The following PTPRM variants were observed in gnomAD, a reference collection of about 807,000 sequenced individuals.
PTPRM encodes the protein receptor-type tyrosine-protein phosphatase mu.
A neutral mutation model predicts 186.7 loss-of-function variants in PTPRM; 47 were observed. The observed-to-expected ratio is 0.25, with a 90% CI of 0.20 to 0.32. PTPRM has a LOEUF of 0.32. Ranked by LOEUF, PTPRM falls within the 10% of genes least tolerant of loss-of-function variation. PTPRM has a pLI of 1.00. For synonymous variants in PTPRM, 668 were observed against 674.9 expected (o/e 0.99, Z 0.16); for missense variants, 1,494 against 1,865.0 (o/e 0.80, Z 3.66).
chr18:8,075,359 G>T (rs558287583), intron 8 of PTPRM, among the ~76,000 whole-genome samples: 2 of 152,048 alleles, frequency 1.3e-5, no homozygotes, highest in Admixed American at 1.3e-4. Flanking sequence ...AGTCAGTTTT[G>T]AAATCAGGAT....
At chr18:7,898,859 A>G (rs549057522) in intron 3 of PTPRM, among the ~76,000 whole-genome samples, 1 of 152,246 alleles carries the variant, frequency 6.6e-6, no homozygotes, top group African/African-American at 2.4e-5. Flanking sequence ...GTAAAATTAC[A>G]GAGAACACTG....
intron 14 of PTPRM, among the ~76,000 whole-genome samples, chr18:8,177,566 A>G (rs1464066996): frequency 6.6e-6 from 1 of 152,220 alleles, no homozygotes; most frequent in Non-Finnish European, 1.5e-5. Context: ...ACTTGTTACA[A>G]AAGTATACTC....
intron 11 of PTPRM, among the ~76,000 whole-genome samples, chr18:8,098,283 A>G (rs615129): frequency 0.5 from 75,765 of 152,052 alleles, 20,567 homozygotes; most frequent in Non-Finnish European, 0.62. Context: ...ATAAAAATAT[A>G]ATCAGAAATG....
At chr18:7,931,626 G>C (rs941590847) in intron 5 of PTPRM, among the ~76,000 whole-genome samples, 1 of 152,146 alleles carries the variant, frequency 6.6e-6, no homozygotes, top group Non-Finnish European at 1.5e-5. Flanking sequence ...ACTTGAACCC[G>C]GAAGGCGGAG....
chr18:7,863,379 G>A (rs1219966678), intron 2 of PTPRM, among the ~76,000 whole-genome samples: 1 of 151,900 alleles, frequency 6.6e-6, no homozygotes, highest in Non-Finnish European at 1.5e-5. Flanking sequence ...GCCCTGGAGT[G>A]TGATGTTCCC....
At chr18:8,268,168 G>A (rs1486579337) in intron 19 of PTPRM, among the ~76,000 whole-genome samples, 1 of 152,100 alleles carries the variant, frequency 6.6e-6, no homozygotes, top group Non-Finnish European at 1.5e-5. Flanking sequence ...ATAAATCTTG[G>A]GAGAATTGTC....
At chr18:8,265,604 G>T (rs1200667593) in intron 19 of PTPRM, among the ~76,000 whole-genome samples, 1 of 152,208 alleles carries the variant, frequency 6.6e-6, no homozygotes, top group Non-Finnish European at 1.5e-5. Context: ...TCATGGCAGA[G>T]CCAAGAAAAC....
intron 6 of PTPRM, among the ~76,000 whole-genome samples, chr18:7,954,110 C>A (rs2053158881): frequency 6.6e-6 from 1 of 152,140 alleles, no homozygotes; most frequent in Admixed American, 6.5e-5. Context: ...ATGTGGAATA[C>A]CTTCATTTGG....
intron 7 of PTPRM, among the ~76,000 whole-genome samples, chr18:8,049,015 C>T (rs2087273993): frequency 6.6e-6 from 1 of 152,144 alleles, no homozygotes; most frequent in Non-Finnish European, 1.5e-5. Context: ...AAGGTCAAAA[C>T]CCATTCCAAA....
intron 2 of PTPRM, among the ~76,000 whole-genome samples, chr18:7,791,200 G>A (rs903664647): frequency 1.3e-5 from 2 of 152,054 alleles, no homozygotes; most frequent in African/African-American, 4.8e-5. Context: ...TCTGAGAATA[G>A]GACACATCTG....
chr18:8,246,743 A>G (rs545368729), intron 15 of PTPRM, among the ~76,000 whole-genome samples: 1 of 152,340 alleles, frequency 6.6e-6, no homozygotes, highest in South Asian at 2.1e-4. Context: ...ATACCTGTAA[A>G]TGACAGGCAG....
At chr18:7,973,281 T>G (rs960878947) in intron 7 of PTPRM, among the ~76,000 whole-genome samples, 4 of 152,178 alleles carry the variant, frequency 2.6e-5, no homozygotes, top group Admixed American at 6.5e-5. Context: ...CAAAGATATA[T>G]GCATTTAAGA....
At chr18:8,143,300 A>G (rs982283794) in intron 13 of PTPRM, among the ~76,000 whole-genome samples, 7 of 152,166 alleles carry the variant, frequency 4.6e-5, no homozygotes, top group African/African-American at 1.7e-4. Context: ...AGGGATAGCT[A>G]TTGTGCTGTT....
At chr18:7,613,386 A>G (rs1033105345) in intron 1 of PTPRM, among the ~76,000 whole-genome samples, 10 of 152,186 alleles carry the variant, frequency 6.6e-5, no homozygotes, top group Admixed American at 2.0e-4. Context: ...AATAAATTGA[A>G]AATACCGGCC....
At chr18:7,837,053 T>C (rs1443046047) in intron 2 of PTPRM, among the ~76,000 whole-genome samples, 4 of 152,210 alleles carry the variant, frequency 2.6e-5, no homozygotes, top group Non-Finnish European at 5.9e-5. Context: ...TTCTCTGTTA[T>C]TTTCCCTTTG....
At chr18:7,901,555 C>T (rs752692582) in intron 3 of PTPRM, among the ~76,000 whole-genome samples, 3 of 151,974 alleles carry the variant, frequency 2.0e-5, no homozygotes, top group Admixed American at 6.6e-5. Context: ...TTAGTAGAGA[C>T]GGGTTTCACC....
chr18:8,041,255 C>A (rs1043949533), intron 7 of PTPRM, among the ~76,000 whole-genome samples: 1 of 152,136 alleles, frequency 6.6e-6, no homozygotes, highest in African/African-American at 2.4e-5. Context: ...TCATGGCAAC[C>A]TTAAAAGCCT....
intron 3 of PTPRM, among the ~76,000 whole-genome samples, chr18:7,896,269 T>C (rs1422855630): frequency 6.6e-6 from 1 of 152,062 alleles, no homozygotes; most frequent in Non-Finnish European, 1.5e-5. Flanking sequence ...TTTATTGTGC[T>C]GATAAAAAAA....
intron 14 of PTPRM, among the ~76,000 whole-genome samples, chr18:8,149,468 T>C (rs1315393970): frequency 6.6e-6 from 1 of 152,198 alleles, no homozygotes; most frequent in Non-Finnish European, 1.5e-5. Flanking sequence ...AGACTAGGAT[T>C]GTAACTCCTG....
Sources: allele counts gnomAD v4.1 joint callset (sites outside exome capture counted in the v4.1 genomes callset), GRCh38; gene constraint gnomAD v4.1.1; transcripts MANE v1.5; gene names NCBI Gene and HGNC (gene_info 2026-07-23, HGNC 2026-07-21).